The following MAP3K19 variants were observed in gnomAD, a reference collection of about 807,000 sequenced individuals.
MAP3K19 encodes mitogen-activated protein kinase kinase kinase 19.
In MAP3K19, 91 loss-of-function variants were observed where a neutral mutation model predicts 114.4. That is an observed-to-expected ratio of 0.80 (90% CI 0.67 to 0.95). The LOEUF is 0.95. MAP3K19 is among the 40% of genes least tolerant of loss of function. MAP3K19 has a pLI of 0.00. For synonymous variants in MAP3K19, 518 were observed against 530.5 expected (o/e 0.98, Z 0.32); for missense variants, 1,471 against 1,573.2 (o/e 0.94, Z 1.10).
At chr2:135,045,355 C>A (rs1274567266) in intron 1 of MAP3K19, among the ~76,000 whole-genome samples, 1 of 152,148 alleles carries the variant, frequency 6.6e-6, no homozygotes, top group Non-Finnish European at 1.5e-5. Context: ...AATCAGGACA[C>A]AGAAATAATT....
rs1469848782 is a variant in MAP3K19, at chr2:135,021,849, T to C, written c.23-19A>G. On this transcript the variant is annotated intron_variant, in intron 4 of 12. Transcript: ENST00000392915. ...TGTCTTTCTATCAAAAGAAACATAA[T>C]AGTATGTTTTGATAAGATTCATCTC... 1 of 1,454,660 alleles carries C rather than the reference T, an allele frequency of 6.9e-7. No homozygotes were observed. The allele number at this position is 1,454,660 out of a possible 1,614,324, so 90.1% of individuals were successfully genotyped here.
At chr2:135,009,164 T>C (rs918564804) in intron 5 of MAP3K19, among the ~76,000 whole-genome samples, 3 of 150,184 alleles carry the variant, frequency 2.0e-5, no homozygotes, top group African/African-American at 7.4e-5. Context: ...GGCGTTTCAA[T>C]ATGTTTACCA....
chr2:134,972,182 G>A (rs1683926751), intron 12 of MAP3K19, among the ~76,000 whole-genome samples: 1 of 151,714 alleles, frequency 6.6e-6, no homozygotes, highest in Non-Finnish European at 1.5e-5. Context: ...CAAATGGTAG[G>A]TCTTATTCAA....
At chr2:135,024,789 G>GA in intron 3 of MAP3K19, 48 bp from the exon 4 acceptor site, 1 of 659,022 alleles carries the variant, frequency 1.5e-6, no homozygotes, top group East Asian at 2.7e-5. Context: ...TGAATCTGTT[G>GA]AAAAAAGAAA....
chr2:134,997,820 A>AAAAAAAAAAAAAAAAAAC (rs61650738), intron 8 of MAP3K19, among the ~76,000 whole-genome samples: 55 of 148,476 alleles, frequency 3.7e-4, no homozygotes, highest in African/African-American at 1.3e-3. Context: ...TCCGTCTCAA[A>AAAAAAAAAAAAAAAAAAC]AAAAAAAAAA....
chr2:134,979,640 G>A (rs201782878), intron 12 of MAP3K19, among the ~76,000 whole-genome samples: 3 of 128,858 alleles, frequency 2.3e-5, no homozygotes, highest in Non-Finnish European at 3.2e-5. Context: ...ACATTTATGC[G>A]GTTTTTTTTT....
chr2:135,002,715 G>T (rs1021303805), intron 6 of MAP3K19, among the ~76,000 whole-genome samples: 1 of 152,120 alleles, frequency 6.6e-6, no homozygotes, highest in Admixed American at 6.6e-5. Context: ...AAGATAAGGT[G>T]CAGGCATGCT....
rs1289457011 is a variant in MAP3K19, at chr2:134,980,898, T to C, written c.3843A>G (p.Ala1281=). Residue 1281 remains alanine, a synonymous_variant, in exon 12 of 13, where the codon GCA becomes GCG. Coordinates refer to ENST00000392915, the MANE Select transcript of MAP3K19 (RefSeq NM_025052.5). ...GTAAAGGAGGCATCAGCCCTCGGTGTGCTCCGATGTAAAACATGGCGGCCA... is the reference window on the plus strand; with the variant it reads ...GTAAAGGAGGCATCAGCCCTCGGTGCGCTCCGATGTAAAACATGGCGGCCA... The part of the protein sequence containing the change: ...DRMAAMFYIG[A]HRGLMPPLPD... 6.2e-7 allele frequency: 1 copy of C among 1,614,240 alleles called. No individual in the cohort carries two copies. The highest frequency in any genetic ancestry group is 2.2e-5 in the East Asian group (1 of 44,884).
chr2:135,016,686 A>T (rs575017220), intron 5 of MAP3K19, among the ~76,000 whole-genome samples: 4 of 152,292 alleles, frequency 2.6e-5, no homozygotes, highest in African/African-American at 9.6e-5. Context: ...ATTTTCAGCA[A>T]TATTTTACTA....
In MAP3K19 at chr2:134,985,972, T is replaced by C. The variant is rs1685065350; in HGVS notation, c.2900A>G (p.Asp967Gly). The change falls in exon 10 of 13, where the codon GAT (aspartate) becomes GGT (glycine). Residue 967 changes from aspartate to glycine, a missense_variant. Asp to Gly is a moderately conservative substitution (Grantham distance 94). Transcript: ENST00000392915. ...TGCAGCTAGACAACCTAATAGTTCATCTGTCAATTCTTCATTATTTACAGA... is the reference window on the plus strand; with the variant it reads ...TGCAGCTAGACAACCTAATAGTTCACCTGTCAATTCTTCATTATTTACAGA... ...MDSVNNEELTDELLGCLAAEL... is the reference protein window; with the variant it reads ...MDSVNNEELTGELLGCLAAEL... The C allele has an allele frequency of 1.5e-5, 25 of 1,613,932 alleles. No homozygotes were observed. The highest frequency in any genetic ancestry group is 2.0e-5 in the Non-Finnish European group (24 of 1,179,926).
At chr2:134,978,597 G>A (rs949918182) in intron 12 of MAP3K19, among the ~76,000 whole-genome samples, 1 of 152,146 alleles carries the variant, frequency 6.6e-6, no homozygotes, top group African/African-American at 2.4e-5. Flanking sequence ...GGTGGGAAGG[G>A]TTTAGCTGCC....
chr2:135,014,580 T>C (rs772062875), intron 5 of MAP3K19, among the ~76,000 whole-genome samples: 3 of 152,172 alleles, frequency 2.0e-5, no homozygotes, highest in African/African-American at 4.8e-5. Context: ...GATTTTAGTA[T>C]AGCATACATT....
At chr2:135,028,342 G>A (rs1688302923) in intron 3 of MAP3K19, among the ~76,000 whole-genome samples, 1 of 152,074 alleles carries the variant, frequency 6.6e-6, no homozygotes, top group South Asian at 2.1e-4. Flanking sequence ...GATTGCTTGA[G>A]CCCAGGAGTT....
At chr2:135,033,855 G>T (rs1490959534) in intron 2 of MAP3K19, among the ~76,000 whole-genome samples, 1 of 38,980 alleles carries the variant, frequency 2.6e-5, no homozygotes, top group East Asian at 8.8e-4. Flanking sequence ...TCCCGGACGG[G>T]GTGGCTGGCC....
chr2:135,041,618 C>T (rs555717709), intron 1 of MAP3K19, among the ~76,000 whole-genome samples: 14 of 152,170 alleles, frequency 9.2e-5, no homozygotes, highest in African/African-American at 2.4e-4. Flanking sequence ...CGTGAGCCAC[C>T]GCACCCAGCC....
chr2:135,001,437 G>C (rs1686438220), intron 6 of MAP3K19, among the ~76,000 whole-genome samples: 1 of 152,210 alleles, frequency 6.6e-6, no homozygotes. Flanking sequence ...TATTGAGCTG[G>C]AAGGAACTTA....
chr2:135,023,704 G>A (rs1055705696), intron 4 of MAP3K19: 2 of 401,328 alleles, frequency 5.0e-6, no homozygotes, highest in South Asian at 1.9e-5. Flanking sequence ...CATCTCTTAG[G>A]CTCACTCTCA....
intron 6 of MAP3K19, among the ~76,000 whole-genome samples, chr2:135,002,614 A>G (rs999732386): frequency 1.0e-5 from 1 of 97,058 alleles, no homozygotes; most frequent in South Asian, 4.6e-4. Flanking sequence ...CACAGACTTT[A>G]AAAAAAAAAA....
chr2:135,038,782 C>T (rs1020200512), intron 2 of MAP3K19, among the ~76,000 whole-genome samples: 2 of 151,620 alleles, frequency 1.3e-5, no homozygotes, highest in Non-Finnish European at 2.9e-5. Context: ...CGCTTGAGCC[C>T]AGGAGGCAGA....
Sources: gnomAD v4.1 joint callset for allele counts (sites outside exome capture counted in the v4.1 genomes callset) on GRCh38, gnomAD v4.1.1 for gene constraint, MANE v1.5 for transcripts, NCBI Gene and HGNC (gene_info 2026-07-23, HGNC 2026-07-21) for gene names.